Variants in EPHB1 observed in about 807,000 individuals in gnomAD.
EPHB1 encodes ephrin type-B receptor 1.
EPHB1 carries 30 observed loss-of-function variants against 94.4 expected under a neutral mutation model. The ratio of observed to expected loss-of-function variants is 0.32; its 90% CI spans 0.24 to 0.43. The LOEUF is 0.43. EPHB1 is among the 20% of genes least tolerant of loss of function. EPHB1 has a pLI of 1.00. For synonymous variants in EPHB1, 522 were observed against 489.1 expected, an observed-to-expected ratio of 1.07 and a Z score of -0.89; for missense variants, 1,055 against 1,308.3, an observed-to-expected ratio of 0.81 and a Z score of 2.99.
chr3:135,116,419 C>G (rs1353582267), intron 4 of EPHB1, among the ~76,000 whole-genome samples: 1 of 152,138 alleles, frequency 6.6e-6, no homozygotes, highest in Non-Finnish European at 1.5e-5. Context: ...CCCAGATGGC[C>G]TTTTGGTCCC....
intron 4 of EPHB1, among the ~76,000 whole-genome samples, chr3:135,129,170 A>T (rs1041953086): frequency 1.3e-5 from 2 of 151,488 alleles, no homozygotes; most frequent in Admixed American, 1.3e-4. Flanking sequence ...GTTTATTAAA[A>T]CAACATGGAA....
chr3:135,195,073 A>T (rs1475826299), intron 11 of EPHB1, among the ~76,000 whole-genome samples: 1 of 152,218 alleles, frequency 6.6e-6, no homozygotes, highest in Non-Finnish European at 1.5e-5. Context: ...GAGTTGAATA[A>T]ACAAAGTTGA....
At chr3:134,982,835 A>C (rs1934457813) in intron 3 of EPHB1, among the ~76,000 whole-genome samples, 1 of 152,034 alleles carries the variant, frequency 6.6e-6, no homozygotes, top group Non-Finnish European at 1.5e-5. Context: ...AAAAACTGTG[A>C]ATATAGCAAT....
chr3:135,133,902 G>A (rs1940518319), intron 5 of EPHB1, among the ~76,000 whole-genome samples: 1 of 152,190 alleles, frequency 6.6e-6, no homozygotes, highest in African/African-American at 2.4e-5. Flanking sequence ...AGCATGTACT[G>A]TGTGCCACGC....
chr3:135,011,412 A>G (rs80220499), intron 3 of EPHB1, among the ~76,000 whole-genome samples: 7,116 of 152,274 alleles, frequency 0.047, 229 homozygotes, highest in South Asian at 0.12. Context: ...CAAGACTTTA[A>G]TTCAAGAAGC....
intron 12 of EPHB1, among the ~76,000 whole-genome samples, chr3:135,206,606 T>C (rs1942907380): frequency 6.6e-6 from 1 of 152,224 alleles, no homozygotes; most frequent in South Asian, 2.1e-4. Context: ...TCCCAGCACT[T>C]TGGGAGGCCG....
At chr3:134,935,604 T>C (rs914704531) in intron 2 of EPHB1, among the ~76,000 whole-genome samples, 4 of 152,218 alleles carry the variant, frequency 2.6e-5, no homozygotes, top group African/African-American at 4.8e-5. Context: ...TGGGATTACA[T>C]TGTGTTTACC....
intron 12 of EPHB1, among the ~76,000 whole-genome samples, chr3:135,210,647 C>T (rs1037786679): frequency 6.6e-6 from 1 of 152,200 alleles, no homozygotes; most frequent in African/African-American, 2.4e-5. Context: ...GAGGAATCCA[C>T]AGCCCAGAGT....
chr3:134,960,862 T>C (rs999742027), intron 3 of EPHB1, among the ~76,000 whole-genome samples: 3 of 152,162 alleles, frequency 2.0e-5, no homozygotes, highest in African/African-American at 7.2e-5. Flanking sequence ...GGCATTTTGG[T>C]TTCTGGCTTT....
intron 12 of EPHB1, among the ~76,000 whole-genome samples, chr3:135,225,155 C>A (rs1384520675): frequency 6.6e-6 from 1 of 152,168 alleles, no homozygotes; most frequent in Non-Finnish European, 1.5e-5. Context: ...GGATGCCCTG[C>A]CCCCACCTCC....
At chr3:134,810,815 G>A (rs2036157125) in intron 1 of EPHB1, among the ~76,000 whole-genome samples, 1 of 152,176 alleles carries the variant, frequency 6.6e-6, no homozygotes, top group Admixed American at 6.5e-5. Flanking sequence ...GTTTCTATGT[G>A]TCTCTCTGCT....
At position 135,249,431 on chromosome 3, in the gene EPHB1, G is replaced by A; in HGVS notation, c.2786G>A (p.Arg929Lys). 2 of 1,614,014 alleles carry A rather than the reference G, an allele frequency of 1.2e-6. No homozygotes were observed. The highest frequency in any genetic ancestry group is 1.7e-6 in the Non-Finnish European group (2 of 1,179,898). The change falls in exon 15 of 16, where the codon AGG becomes AAG. Residue 929 changes from arginine (R) to lysine (K), a missense_variant. Arg to Lys is a conservative substitution (Grantham distance 26). Coordinates refer to ENST00000398015, the MANE Select transcript of EPHB1 (RefSeq NM_004441.5). ...WLSAIKMVQY[R>K]DSFLTAGFTS... ...AGCGCCATCAAAATGGTCCAGTACAGGGACAGCTTCCTCACTGCTGGCTTC... is the reference window on the plus strand; with the variant it reads ...AGCGCCATCAAAATGGTCCAGTACAAGGACAGCTTCCTCACTGCTGGCTTC...
chr3:134,981,086 A>C (rs916556589), intron 3 of EPHB1, among the ~76,000 whole-genome samples: 4 of 152,168 alleles, frequency 2.6e-5, no homozygotes, highest in Non-Finnish European at 5.9e-5. Context: ...TTGCTAACAC[A>C]CTGGGGTCTC....
At chr3:134,995,130 A>G (rs1310391104) in intron 3 of EPHB1, among the ~76,000 whole-genome samples, 1 of 152,178 alleles carries the variant, frequency 6.6e-6, no homozygotes, top group Non-Finnish European at 1.5e-5. Flanking sequence ...AGCCATGGCC[A>G]GCACCTTTCC....
At chr3:134,818,890 G>A (rs1439978581) in intron 1 of EPHB1, among the ~76,000 whole-genome samples, 2 of 152,150 alleles carry the variant, frequency 1.3e-5, no homozygotes, top group Non-Finnish European at 2.9e-5. Flanking sequence ...GGTCTCTTGA[G>A]AGCCCTCCAA....
intron 4 of EPHB1, among the ~76,000 whole-genome samples, chr3:135,122,184 G>T (rs1939994359): frequency 6.6e-6 from 1 of 152,042 alleles, no homozygotes; most frequent in South Asian, 2.1e-4. Context: ...CACACAGGAG[G>T]GTCTCAATAA....
chr3:134,857,965 C>T (rs550705281), intron 1 of EPHB1, among the ~76,000 whole-genome samples: 37 of 152,202 alleles, frequency 2.4e-4, no homozygotes, highest in African/African-American at 8.9e-4. Flanking sequence ...GAGTCAACCC[C>T]CCTGTTACCA....
rs116762188 is a variant in EPHB1 at position 134,981,031 on chromosome 3, G to A, written c.805+28979G>A. 6.6e-3 allele frequency among the ~76,000 whole-genome samples: 1,001 copies of A among 152,344 alleles called. 9 individuals carry two copies. Among genetic ancestry groups the A allele is most frequent in the African/African-American group, 0.023 (949 of 41,580 alleles). Reference sequence around the variant, plus strand: ...ATCAAGGGATATAAGCACAGGGCAAGCAGGGTATCAGACCTTACAGGATCA... The same window carrying A: ...ATCAAGGGATATAAGCACAGGGCAAACAGGGTATCAGACCTTACAGGATCA... On this transcript the variant is annotated intron_variant, in intron 3 of 15. Transcript: ENST00000398015.
At chr3:134,952,854 A>G (rs185425620) in intron 3 of EPHB1, among the ~76,000 whole-genome samples, 268 of 152,236 alleles carry the variant, frequency 1.8e-3, no homozygotes, top group East Asian at 1.5e-3. Flanking sequence ...CTGCTCTGGG[A>G]GTGAATAGAA....
Sources: gnomAD v4.1 joint callset for allele counts (sites outside exome capture counted in the v4.1 genomes callset) on GRCh38, gnomAD v4.1.1 for gene constraint, MANE v1.5 for transcripts, NCBI Gene and HGNC (gene_info 2026-07-23, HGNC 2026-07-21) for gene names.